The following DOCK3 variants were observed in gnomAD, a reference collection of about 807,000 sequenced individuals.
DOCK3 encodes the protein dedicator of cytokinesis 3, also known as dedicator of cytokinesis protein 3.
DOCK3 carries 60 observed loss-of-function variants against 265.6 expected under a neutral mutation model. The observed-to-expected ratio is 0.23, with a 90% CI of 0.18 to 0.28. DOCK3 has a LOEUF of 0.28. Among genes scored for constraint, DOCK3 ranks in the 10% least tolerant of loss-of-function variants. The pLI is 1.00. For synonymous variants in DOCK3, 881 were observed against 938.0 expected (o/e 0.94, Z 1.11); for missense variants, 1,981 against 2,594.3 (o/e 0.76, Z 5.14).
chr3:51,290,067 A>G (rs904151166), intron 27 of DOCK3, among the ~76,000 whole-genome samples: 2 of 152,204 alleles, frequency 1.3e-5, no homozygotes, highest in Non-Finnish European at 2.9e-5. Context: ...AGAAATAGGA[A>G]CACTTTTACA....
At chr3:50,719,614 C>T in intron 1 of DOCK3, 6 of 1,536,064 alleles carry the variant, frequency 3.9e-6, no homozygotes, top group Middle Eastern at 1.7e-4. Flanking sequence ...TGCCATCCAA[C>T]CACTGAGGTC....
intron 1 of DOCK3, among the ~76,000 whole-genome samples, chr3:50,705,136 C>CT (rs1444032286): frequency 2.1e-5 from 3 of 140,718 alleles, no homozygotes; most frequent in African/African-American, 7.9e-5. Flanking sequence ...GACTCTTTTT[C>CT]TTTTTTGTGT....
chr3:50,959,190 A>C (rs1037792013), intron 5 of DOCK3, among the ~76,000 whole-genome samples: 1 of 152,186 alleles, frequency 6.6e-6, no homozygotes, highest in African/African-American at 2.4e-5. Context: ...TTTTTAAATA[A>C]TAGACTGTTG....
intron 12 of DOCK3, among the ~76,000 whole-genome samples, chr3:51,181,292 C>G (rs1355495828): frequency 9.7e-6 from 1 of 102,814 alleles, no homozygotes; most frequent in East Asian, 3.7e-4. Flanking sequence ...CCCCCCTCCC[C>G]CCACCCCACA....
chr3:51,263,295 C>G (rs917659784), intron 23 of DOCK3, among the ~76,000 whole-genome samples: 3 of 152,150 alleles, frequency 2.0e-5, no homozygotes, highest in African/African-American at 4.8e-5. Context: ...AATTTTCAAC[C>G]CAGAATTTCA....
intron 2 of DOCK3, among the ~76,000 whole-genome samples, chr3:50,793,358 C>CTTTTTTTTT (rs568370017): frequency 1.5e-5 from 2 of 130,800 alleles, no homozygotes; most frequent in African/African-American, 5.6e-5. Flanking sequence ...TTTTCTTTTT[C>CTTTTTTTTT]TTTTTTTTTT....
At chr3:51,232,057 T>G (rs1289254570) in intron 19 of DOCK3, among the ~76,000 whole-genome samples, 1 of 152,218 alleles carries the variant, frequency 6.6e-6, no homozygotes, top group Non-Finnish European at 1.5e-5. Context: ...GGAAGAATGT[T>G]CTTACCTCTA....
intron 12 of DOCK3, among the ~76,000 whole-genome samples, chr3:51,191,046 G>T (rs765719713): frequency 6.6e-6 from 1 of 152,144 alleles, no homozygotes; most frequent in African/African-American, 2.4e-5. Flanking sequence ...GGCAAGGCAG[G>T]TCTCATACCT....
chr3:50,695,343 A>G (rs1364462496), intron 1 of DOCK3, among the ~76,000 whole-genome samples: 1 of 152,244 alleles, frequency 6.6e-6, no homozygotes, highest in Non-Finnish European at 1.5e-5. Context: ...CCCCTGATCA[A>G]CTTAGCTAGT....
At chr3:50,846,830 A>T (rs190978423) in intron 3 of DOCK3, among the ~76,000 whole-genome samples, 1 of 151,860 alleles carries the variant, frequency 6.6e-6, no homozygotes, top group Non-Finnish European at 1.5e-5. Flanking sequence ...GTGTTTGAGG[A>T]TCTTTCGTAT....
rs144750542 is a variant in DOCK3 at position 51,356,164 on chromosome 3, T to C, written c.4325T>C (p.Val1442Ala). Residue 1442 changes from valine (V) to alanine (A), a missense_variant, in exon 42 of 53, where the codon GTC becomes GCC. Around this residue, in one of 4 missense-constraint regions of DOCK3, gnomAD observed 1,357 missense variants for 1,866.8 expected, o/e 0.73. Transcript: ENST00000266037. Reference sequence around the variant, plus strand: ...CAGATGGATAGGGTACCAGATCGAGTCAAGAGCTTCTATCGCGTCAACAAT... The same window carrying C: ...CAGATGGATAGGGTACCAGATCGAGCCAAGAGCTTCTATCGCGTCAACAAT... Reference protein sequence around the residue: ...VLQMDRVPDRVKSFYRVNNVR... With the variant: ...VLQMDRVPDRAKSFYRVNNVR... 21 of 1,613,818 alleles carry C rather than the reference T, an allele frequency of 1.3e-5. No homozygotes were observed. The African/African-American group carries it at 2.0e-4, about 15-fold the overall frequency.
intron 12 of DOCK3, among the ~76,000 whole-genome samples, chr3:51,189,688 T>C (rs2087826472): frequency 6.6e-6 from 1 of 152,246 alleles, no homozygotes; most frequent in African/African-American, 2.4e-5. Context: ...TGGTTCCATA[T>C]CTTTGCAGTT....
intron 32 of DOCK3, among the ~76,000 whole-genome samples, chr3:51,328,580 C>A (rs2084306314): frequency 6.6e-6 from 1 of 151,218 alleles, no homozygotes; most frequent in Admixed American, 6.6e-5. Flanking sequence ...TCATCCCTGC[C>A]CTGGCCATGT....
chr3:51,226,569 G>A (rs1157372845), intron 15 of DOCK3, among the ~76,000 whole-genome samples: 2 of 152,216 alleles, frequency 1.3e-5, no homozygotes, highest in African/African-American at 2.4e-5. Context: ...ACAACGATTT[G>A]TATGTCATTT....
At chr3:51,057,963 C>T (rs1367546584) in intron 5 of DOCK3, among the ~76,000 whole-genome samples, 2 of 152,108 alleles carry the variant, frequency 1.3e-5, no homozygotes, top group African/African-American at 4.8e-5. Context: ...CCATCCAAAG[C>T]TTAGTGGCTT....
intron 5 of DOCK3, among the ~76,000 whole-genome samples, chr3:51,007,960 C>T (rs1254684646): frequency 6.6e-6 from 1 of 151,994 alleles, no homozygotes. Context: ...CTGAGGCCTC[C>T]ATTCTGTTCC....
intron 38 of DOCK3, among the ~76,000 whole-genome samples, chr3:51,342,818 G>C (rs2085326093): frequency 6.6e-6 from 1 of 152,172 alleles, no homozygotes; most frequent in Non-Finnish European, 1.5e-5. Flanking sequence ...GAAGGACTAG[G>C]AGGCTCCATA....
intron 10 of DOCK3, among the ~76,000 whole-genome samples, chr3:51,148,282 T>G (rs1315835361): frequency 2.0e-5 from 3 of 152,228 alleles, no homozygotes; most frequent in Non-Finnish European, 4.4e-5. Context: ...TGTTCTCCCA[T>G]TCTGTAGGTT....
At chr3:51,116,924 T>C (rs1191514878) in intron 9 of DOCK3, among the ~76,000 whole-genome samples, 1 of 152,212 alleles carries the variant, frequency 6.6e-6, no homozygotes, top group Non-Finnish European at 1.5e-5. Flanking sequence ...ACAATTTGAC[T>C]TCCTCTCTTT....
Sources: allele counts gnomAD v4.1 joint callset (sites outside exome capture counted in the v4.1 genomes callset), GRCh38; gene constraint gnomAD v4.1.1; regional missense constraint gnomAD v4.1.1; transcripts MANE v1.5; gene names NCBI Gene and HGNC (gene_info 2026-07-23, HGNC 2026-07-21).